Variants in NDC1 observed in about 807,000 individuals in gnomAD.
The protein encoded by NDC1 is NDC1 transmembrane nucleoporin, also known as nucleoporin NDC1.
In NDC1, 24 loss-of-function variants were observed where a neutral mutation model predicts 89.8. The observed-to-expected ratio is 0.27, with a 90% CI of 0.19 to 0.38. The LOEUF (loss-of-function observed/expected upper bound fraction) is 0.38, where lower values mean the gene tolerates loss of function less well. NDC1 is among the 10% of genes least tolerant of loss of function. The probability of loss-of-function intolerance (pLI) is 1.00; values close to 1 mark genes in which losing one functional copy is unlikely to be tolerated. For missense variants in NDC1, 728 were observed against 797.6 expected (o/e 0.91, Z 1.05); for synonymous variants, 296 against 284.8 (o/e 1.04, Z -0.39).
chr1:53,776,857 G>A (rs1327125979), intron 16 of NDC1, among the ~76,000 whole-genome samples: 1 of 151,892 alleles, frequency 6.6e-6, no homozygotes. Flanking sequence ...TTTCATATTA[G>A]TCTTTTTTAC....
intron 9 of NDC1, among the ~76,000 whole-genome samples, chr1:53,805,850 G>A (rs529634735): frequency 1.1e-3 from 160 of 152,286 alleles, no homozygotes; most frequent in African/African-American, 3.6e-3. Flanking sequence ...CGAGGCGGGT[G>A]GATCACGAGG....
intron 2 of NDC1, among the ~76,000 whole-genome samples, chr1:53,833,146 T>G (rs1649119973): frequency 6.6e-6 from 1 of 152,154 alleles, no homozygotes; most frequent in South Asian, 2.1e-4. Context: ...ATGGCAAAAC[T>G]TTCTTTCTTT....
chr1:53,813,746 A>T (rs1648388162), intron 6 of NDC1, among the ~76,000 whole-genome samples: 1 of 152,184 alleles, frequency 6.6e-6, no homozygotes, highest in South Asian at 2.1e-4. Flanking sequence ...CAAAAAAACA[A>T]TGGATTTAAA....
intron 3 of NDC1, among the ~76,000 whole-genome samples, chr1:53,828,579 TTTTATTTA>T (rs975790296): frequency 9.9e-5 from 15 of 151,782 alleles, no homozygotes; most frequent in African/African-American, 3.1e-4. Context: ...AATACTGACT[TTTTATTTA>T]TTTATTTATT....
intron 13 of NDC1, among the ~76,000 whole-genome samples, chr1:53,795,356 A>G (rs1166551057): frequency 6.6e-6 from 1 of 151,960 alleles, no homozygotes; most frequent in Non-Finnish European, 1.5e-5. Context: ...TTACATTTCT[A>G]GCCCAGAACT....
chr1:53,791,089 T>G (rs541007139), intron 14 of NDC1, among the ~76,000 whole-genome samples: 1 of 152,302 alleles, frequency 6.6e-6, no homozygotes, highest in South Asian at 2.1e-4. Flanking sequence ...TCTACTCCCA[T>G]GTGATCAAAT....
chr1:53,831,459 G>A lies in NDC1; in HGVS notation c.280+1031C>T, dbSNP rs537335168. 2.4e-4 allele frequency among the ~76,000 whole-genome samples: 36 copies of A among 151,958 alleles called. No individual in the cohort carries two copies. In the East Asian group the frequency reaches 5.8e-3, roughly 25 times the overall value. On this transcript the variant is annotated intron_variant, in intron 3 of 17. Transcript: ENST00000371429. ...TTGGGAGGCCGAGGGCAGATCACAA[G>A]GTCAAGAGATCAAGACCATCCTGGC...
intron 13 of NDC1, among the ~76,000 whole-genome samples, chr1:53,794,265 T>C (rs137924475): frequency 6.6e-6 from 1 of 152,270 alleles, no homozygotes; most frequent in Admixed American, 6.5e-5. Context: ...AAAAAAAATA[T>C]CTTAAGACAC....
chr1:53,814,452 G>A (rs1397048133), intron 6 of NDC1, among the ~76,000 whole-genome samples: 1 of 152,116 alleles, frequency 6.6e-6, no homozygotes, highest in East Asian at 1.9e-4. Flanking sequence ...CAAAGGCGGT[G>A]CTAAGAGGAA....
chr1:53,779,119 CAAAAAAAAAAA>C (rs11412563), intron 16 of NDC1, among the ~76,000 whole-genome samples: 4 of 55,524 alleles, frequency 7.2e-5, no homozygotes, highest in Admixed American at 2.0e-4. Flanking sequence ...GACTCTGTCG[CAAAAAAAAAAA>C]AAAAAAAAAA....
chr1:53,820,640 A>G (rs12566280), intron 5 of NDC1, among the ~76,000 whole-genome samples: 17,559 of 151,662 alleles, frequency 0.12, 1,147 homozygotes, highest in Non-Finnish European at 0.15. Context: ...AATGGAAAAC[A>G]AGATAAATGA....
At chr1:53,792,725 A>G (rs1647561362) in intron 14 of NDC1, among the ~76,000 whole-genome samples, 1 of 152,260 alleles carries the variant, frequency 6.6e-6, no homozygotes, top group African/African-American at 2.4e-5. Context: ...TTTAGCTTCT[A>G]CAACTGAGAT....
chr1:53,797,204 C>G (rs148972571), intron 11 of NDC1, 60 bp from the exon 12 acceptor site: 1 of 1,558,524 alleles, frequency 6.4e-7, no homozygotes, highest in Admixed American at 1.9e-5. Flanking sequence ...CTAGCAGCAA[C>G]GCTTTCAAAT....
chr1:53,789,394 G>C (rs1041420472), intron 14 of NDC1, among the ~76,000 whole-genome samples, 198 bp from the exon 15 acceptor site: 1 of 152,214 alleles, frequency 6.6e-6, no homozygotes, highest in African/African-American at 2.4e-5. Flanking sequence ...TCAACTCATT[G>C]TGTGGCCCTT....
intron 9 of NDC1, among the ~76,000 whole-genome samples, chr1:53,805,154 C>A (rs1330826125): frequency 6.6e-6 from 1 of 152,022 alleles, no homozygotes; most frequent in African/African-American, 2.4e-5. Context: ...AGAGTGTGAT[C>A]AAAACTGGGT....
At chr1:53,835,400 A>T in intron 2 of NDC1, 100 bp downstream of exon 2, 2 of 877,448 alleles carry the variant, frequency 2.3e-6, no homozygotes, top group South Asian at 2.0e-5. Context: ...TGTCAATATA[A>T]CATAGGCAGT....
intron 6 of NDC1, among the ~76,000 whole-genome samples, chr1:53,812,442 G>A (rs540801973): frequency 1.4e-4 from 21 of 152,292 alleles, no homozygotes; most frequent in Admixed American, 1.3e-3. Flanking sequence ...GGAAACTTTG[G>A]ATTCACTTTT....
chr1:53,798,084 C>T (rs193215169), intron 11 of NDC1, among the ~76,000 whole-genome samples: 244 of 150,724 alleles, frequency 1.6e-3, no homozygotes, highest in African/African-American at 5.9e-3. Flanking sequence ...CTTTTCTTGT[C>T]ACTCCAGCAC....
At chr1:53,775,639 A>G (rs1373829075) in intron 16 of NDC1, among the ~76,000 whole-genome samples, 3 of 152,050 alleles carry the variant, frequency 2.0e-5, no homozygotes, top group Non-Finnish European at 4.4e-5. Context: ...GACATCACCT[A>G]TTGCCTTCTT....
Sources: gnomAD v4.1 joint callset for allele counts (sites outside exome capture counted in the v4.1 genomes callset) on GRCh38, gnomAD v4.1.1 for gene constraint, MANE v1.5 for transcripts, NCBI Gene and HGNC (gene_info 2026-07-23, HGNC 2026-07-21) for gene names.